MORC1: variants seen among roughly 807,000 people sequenced by gnomAD.
MORC1 encodes the protein MORC family CW-type zinc finger protein 1.
In MORC1, 59 loss-of-function variants were observed where a neutral mutation model predicts 134.9. The observed-to-expected ratio is 0.44, with a 90% CI of 0.35 to 0.54. MORC1 has a LOEUF of 0.54. MORC1 is among the 20% of genes least tolerant of loss of function. The probability of loss-of-function intolerance (pLI) is 0.00; values close to 1 mark genes in which losing one functional copy is unlikely to be tolerated. For synonymous variants in MORC1, 395 were observed against 391.7 expected (o/e 1.01, Z -0.10); for missense variants, 947 against 1,134.5 (o/e 0.83, Z 2.37).
At chr3:109,083,443 A>G (rs1950559351) in intron 8 of MORC1, among the ~76,000 whole-genome samples, 1 of 152,168 alleles carries the variant, frequency 6.6e-6, no homozygotes, top group South Asian at 2.1e-4. Flanking sequence ...CAAATCTATC[A>G]AAAACAATAA....
chr3:109,002,009 T>C (rs1042254165), intron 20 of MORC1, among the ~76,000 whole-genome samples: 4 of 152,190 alleles, frequency 2.6e-5, no homozygotes, highest in African/African-American at 9.7e-5. Flanking sequence ...CTCTACATGA[T>C]CCTCTATATC....
Position 109,118,090 on chromosome 3 carries a change from G to A in MORC1, c.-31C>T, listed in dbSNP as rs1258434810. The A allele has an allele frequency of 1.1e-5, 17 of 1,592,696 alleles. No individual in the cohort carries two copies. Among genetic ancestry groups the A allele is most frequent in the East Asian group, 6.8e-5 (3 of 43,926 alleles). Reference sequence around the variant, plus strand: ...CGAACACGACCCGCGCAACTCAAGGGGACAAGGACACCTGACCGGCAGCCG... The same window carrying A: ...CGAACACGACCCGCGCAACTCAAGGAGACAAGGACACCTGACCGGCAGCCG... On this transcript the variant is annotated 5_prime_UTR_variant, in exon 1 of 28. Coordinates refer to ENST00000232603, the MANE Select transcript of MORC1 (RefSeq NM_014429.4).
chr3:109,073,863 A>C (rs1950368372), intron 8 of MORC1, among the ~76,000 whole-genome samples: 1 of 152,318 alleles, frequency 6.6e-6, no homozygotes, highest in South Asian at 2.1e-4. Context: ...ACCAAATTTA[A>C]TATTAGGGTA....
intron 21 of MORC1, among the ~76,000 whole-genome samples, chr3:108,995,498 C>A (rs1355623903): frequency 6.6e-6 from 1 of 152,142 alleles, no homozygotes; most frequent in Non-Finnish European, 1.5e-5. Flanking sequence ...AAAGGTAAAG[C>A]AACAACAGCT....
Position 109,035,461 on chromosome 3 carries a change from T to C in MORC1, c.1338A>G (p.Arg446=). ...ATTCATTGCAAAACAATGTTAAATT[T>C]CTATTATCTTTTAAAAAAAAAAGCA... is the stretch of plus-strand genomic sequence containing the variant. The part of the protein sequence containing the change: ...QYCKDTGINN[R]NLTLFCNEFG... The change falls in exon 15 of 28, where the codon AGA becomes AGG. Residue 446 remains arginine, a synonymous_variant. Coordinates refer to ENST00000232603, the MANE Select transcript of MORC1 (RefSeq NM_014429.4). 7.3e-7 allele frequency: 1 copy of C among 1,378,974 alleles called. No homozygotes were observed. Among genetic ancestry groups the C allele is most frequent in the Non-Finnish European group, 9.6e-7 (1 of 1,045,532 alleles). 85.4% of individuals were successfully genotyped at this position (1,378,974 alleles called of 1,614,324 possible).
chr3:109,083,383 A>G (rs567039222), intron 8 of MORC1, among the ~76,000 whole-genome samples: 3 of 152,284 alleles, frequency 2.0e-5, no homozygotes, highest in East Asian at 1.9e-4. Context: ...CCAGAATACT[A>G]TAATTGTGGT....
At position 108,996,286 on chromosome 3, in the gene MORC1, G is replaced by GCGCGCACACA; in HGVS notation, c.2187+4270_2187+4271insTGTGTGCGCG. Among the ~76,000 whole-genome samples the GCGCGCACACA allele has an allele frequency of 8.3e-3, 1,219 of 146,442 alleles. 16 individuals carry two copies. The highest frequency in any genetic ancestry group is 0.028 in the African/African-American group (1,098 of 39,268). The stretch of plus-strand genomic sequence containing the variant: ...CATGTGCGCGTGCGTGCGCGCGCGC[G>GCGCGCACACA]CACACACACACACACACACACAACT... On this transcript the variant is annotated intron_variant, in intron 21 of 27. Coordinates refer to ENST00000232603, the MANE Select transcript of MORC1 (RefSeq NM_014429.4).
intron 17 of MORC1, among the ~76,000 whole-genome samples, chr3:109,022,373 A>G (rs1357186804): frequency 1.3e-5 from 2 of 152,230 alleles, no homozygotes; most frequent in Non-Finnish European, 2.9e-5. Flanking sequence ...TGAAAAACAC[A>G]GCTAAAAGTT....
At chr3:109,066,772 T>A (rs968926825) in intron 9 of MORC1, among the ~76,000 whole-genome samples, 2 of 152,206 alleles carry the variant, frequency 1.3e-5, no homozygotes, top group East Asian at 3.9e-4. Context: ...TTAGCCCTCA[T>A]AATAACCTCA....
chr3:108,975,040 C>G (rs1157235728), intron 24 of MORC1, among the ~76,000 whole-genome samples: 1 of 152,194 alleles, frequency 6.6e-6, no homozygotes, highest in Admixed American at 6.5e-5. Context: ...CCTTTCTCAA[C>G]AAAATAATTT....
Position 109,117,986 on chromosome 3 carries a change from G to T in MORC1, c.65+9C>A, listed in dbSNP as rs749132080. ...CCCTCCCCGACCCCGACCCCACCTC[G>T]GCACTCACGAGTTGGCGTGGATGAA... On this transcript the variant is annotated intron_variant, in intron 1 of 27. Coordinates refer to ENST00000232603, the MANE Select transcript of MORC1 (RefSeq NM_014429.4). 5 of 1,589,924 alleles carry T rather than the reference G, an allele frequency of 3.1e-6. No homozygotes were observed. Among genetic ancestry groups the T allele is most frequent in the Non-Finnish European group, 4.3e-6 (5 of 1,167,724 alleles).
At chr3:109,075,425 T>C (rs1950399585) in intron 8 of MORC1, among the ~76,000 whole-genome samples, 1 of 152,252 alleles carries the variant, frequency 6.6e-6, no homozygotes, top group South Asian at 2.1e-4. Context: ...TCTAGAGTTT[T>C]TATGGCTTTA....
intron 24 of MORC1, among the ~76,000 whole-genome samples, chr3:108,973,872 A>G (rs1384928062): frequency 6.6e-6 from 1 of 152,302 alleles, no homozygotes; most frequent in Non-Finnish European, 1.5e-5. Flanking sequence ...CTGGGATTAC[A>G]GTCGTGAGCC....
At chr3:109,051,849 A>G (rs1050954549) in intron 14 of MORC1, among the ~76,000 whole-genome samples, 1 of 152,010 alleles carries the variant, frequency 6.6e-6, no homozygotes, top group African/African-American at 2.4e-5. Flanking sequence ...TGTAGTTGGG[A>G]GTACAACTGT....
At chr3:108,959,267 A>G (rs1026288586) in intron 27 of MORC1, 147 bp from the exon 28 acceptor site, 2 of 605,712 alleles carry the variant, frequency 3.3e-6, no homozygotes, top group African/African-American at 3.9e-5. Flanking sequence ...ACCTTTCAAA[A>G]GGTTTTCTCA....
At chr3:109,103,952 G>T in intron 3 of MORC1, 35 bp from the exon 4 acceptor site, 1 of 1,574,206 alleles carries the variant, frequency 6.4e-7, no homozygotes. Flanking sequence ...AATAAATATC[G>T]GGCTTAATTT....
intron 14 of MORC1, among the ~76,000 whole-genome samples, chr3:109,051,895 G>A (rs535321310): frequency 2.0e-5 from 3 of 151,880 alleles, no homozygotes; most frequent in Non-Finnish European, 4.4e-5. Context: ...AAGGGGCTTC[G>A]AGAGAGCTCC....
At chr3:109,056,094 A>T (rs1949954500) in intron 13 of MORC1, among the ~76,000 whole-genome samples, 2 of 152,206 alleles carry the variant, frequency 1.3e-5, no homozygotes, top group Non-Finnish European at 1.5e-5. Flanking sequence ...CAGGAAATGC[A>T]GAGAGGGTAG....
intron 17 of MORC1, among the ~76,000 whole-genome samples, chr3:109,008,358 G>A (rs1280070210): frequency 6.6e-6 from 1 of 151,934 alleles, no homozygotes; most frequent in Non-Finnish European, 1.5e-5. Flanking sequence ...CTTTTTGGTG[G>A]CCTAGCATAT....
Sources: gnomAD v4.1 joint callset for allele counts (sites outside exome capture counted in the v4.1 genomes callset) on GRCh38, gnomAD v4.1.1 for gene constraint, MANE v1.5 for transcripts, NCBI Gene and HGNC (gene_info 2026-07-23, HGNC 2026-07-21) for gene names.